MOK: variants seen among roughly 807,000 people sequenced by gnomAD.
The protein encoded by MOK is MAPK/MAK/MRK overlapping kinase.
In MOK, 59 loss-of-function variants were observed where a neutral mutation model predicts 54.2. The observed-to-expected ratio is 1.09, with a 90% confidence interval of 0.88 to 1.35. MOK has a LOEUF of 1.35. MOK is among the 40% of genes most tolerant of loss of function. The pLI, the probability that MOK is intolerant of heterozygous loss-of-function variation, is 0.00. For synonymous variants in MOK, 210 were observed against 202.7 expected (o/e 1.04, Z -0.31); for missense variants, 517 against 526.2 (o/e 0.98, Z 0.17).
chr14:102,222,491 G>A (rs1279814025), downstream of MOK, among the ~76,000 whole-genome samples: 10 of 152,128 alleles, frequency 6.6e-5, no homozygotes, highest in Admixed American at 5.9e-4. The surrounding 1 kb of genome is among the most constrained non-coding windows in gnomAD (Gnocchi z 4.4). Flanking sequence ...CACCTCCCAC[G>A]AGGCACCTGC....
At chr14:102,244,403 A>G (rs2065937063) in intron 7 of MOK, among the ~76,000 whole-genome samples, 1 of 152,158 alleles carries the variant, frequency 6.6e-6, no homozygotes, top group African/African-American at 2.4e-5. Context: ...TTCTGTCGTC[A>G]TTTCATAACC....
At chr14:102,223,663 T>C (rs2153074499), downstream of MOK, 1 of 152,696 alleles carries the variant, frequency 6.5e-6, no homozygotes, top group South Asian at 2.1e-4. Flanking sequence ...ATTAAAACTA[T>C]CTTGAATATA....
downstream of MOK, chr14:102,224,695 G>A (rs1354198462): frequency 1.1e-5 from 5 of 456,000 alleles, no homozygotes; most frequent in East Asian, 6.9e-5. Context: ...AGTTTTCTTC[G>A]GAGGAGACAT....
intron 1 of MOK, among the ~76,000 whole-genome samples, chr14:102,288,749 C>T (rs1364947506): frequency 1.3e-5 from 2 of 152,188 alleles, no homozygotes; most frequent in Admixed American, 6.5e-5. Context: ...TGTTGGAAAT[C>T]AGAAAGTGGT....
chr14:102,287,624 T>C (rs2070272681), intron 1 of MOK, among the ~76,000 whole-genome samples: 1 of 152,172 alleles, frequency 6.6e-6, no homozygotes, highest in Non-Finnish European at 1.5e-5. Context: ...TATGAAATGA[T>C]GCTCAACATC....
In MOK at chr14:102,236,227, G is replaced by A. The variant is rs1004975450; in HGVS notation, c.591-2438C>T. Among the ~76,000 whole-genome samples, 10 of 152,316 alleles carry A rather than the reference G, an allele frequency of 6.6e-5. No homozygotes were observed. Among genetic ancestry groups the A allele is most frequent in the African/African-American group, 1.4e-4 (6 of 41,574 alleles). On this transcript the variant is annotated intron_variant, in intron 7 of 11. Coordinates refer to ENST00000361847, the MANE Select transcript of MOK (RefSeq NM_014226.3). This position sits in a 1 kb window ranked among gnomAD's most constrained non-coding sequence, Gnocchi z 4.5. Reference sequence around the variant, plus strand: ...TCAGCCTAGCCGCTGAGGACTGACCGGGCCCAGGGCCCCCGGCCCCATCTG... The same window carrying A: ...TCAGCCTAGCCGCTGAGGACTGACCAGGCCCAGGGCCCCCGGCCCCATCTG...
Position 102,242,952 on chromosome 14 carries a change from C to T in MOK, c.590+7860G>A, listed in dbSNP as rs528972637. 2.6e-5 allele frequency among the ~76,000 whole-genome samples: 4 copies of T among 152,290 alleles called. No homozygotes were observed. In the East Asian group the frequency reaches 5.8e-4, roughly 22 times the overall value. On this transcript the variant is annotated intron_variant, in intron 7 of 11. Coordinates refer to ENST00000361847, the MANE Select transcript of MOK (RefSeq NM_014226.3). ...CACTTGGACTGACCCTGACACCCAT[C>T]AGGCTCAGCAAATTACCTGGGCTGT...
Position 102,232,940 on chromosome 14 carries a change from G to A in MOK, c.693-232C>T, listed in dbSNP as rs1007101683. 8 of 352,642 alleles carry A rather than the reference G, an allele frequency of 2.3e-5. No individual in the cohort carries two copies. The South Asian group carries it at 3.5e-4, about 16-fold the overall frequency. The allele number at this position is 352,642 out of a possible 1,614,324, so 21.8% of individuals were successfully genotyped here. A position where few individuals can be genotyped will look rare whatever the true frequency, so the allele number is the denominator to read the frequency against. Reference sequence around the variant, plus strand: ...ATCGACCATAATAAACACACCACTCGAGGCAGGTGCTGACGACAGGGGAGG... The same window carrying A: ...ATCGACCATAATAAACACACCACTCAAGGCAGGTGCTGACGACAGGGGAGG... On this transcript the variant is annotated intron_variant, in intron 8 of 11. Transcript: ENST00000361847. This position sits in a 1 kb window ranked among gnomAD's most constrained non-coding sequence, Gnocchi z 5.1.
At chr14:102,285,656 C>A (rs1397505093) in intron 1 of MOK, among the ~76,000 whole-genome samples, 1 of 152,102 alleles carries the variant, frequency 6.6e-6, no homozygotes, top group Non-Finnish European at 1.5e-5. Context: ...CTTTGGGAGA[C>A]CCAGGTCGGT....
intron 1 of MOK, among the ~76,000 whole-genome samples, chr14:102,286,892 A>T (rs1237129730): frequency 1.3e-5 from 2 of 150,392 alleles, no homozygotes; most frequent in African/African-American, 4.9e-5. Flanking sequence ...CCTGGGCAAC[A>T]AAGTGAGACT....
At chr14:102,218,397 G>A in the MOK span, among the ~76,000 whole-genome samples, 6 of 152,330 alleles carry the variant, frequency 3.9e-5, no homozygotes, top group South Asian at 6.2e-4. Context: ...CTAGGAGACC[G>A]TCCAGGCCTG....
chr14:102,262,952 C>G (rs887972066), intron 4 of MOK, among the ~76,000 whole-genome samples: 4 of 152,232 alleles, frequency 2.6e-5, no homozygotes, highest in African/African-American at 4.8e-5. Flanking sequence ...GAACAATTGG[C>G]TCAGTGTGGG....
intron 4 of MOK, among the ~76,000 whole-genome samples, chr14:102,261,874 C>T (rs1320671810): frequency 6.0e-5 from 9 of 150,318 alleles, no homozygotes; most frequent in African/African-American, 9.8e-5. Flanking sequence ...GACGGAGTCT[C>T]GCTCTGTCAC....
At chr14:102,270,873 C>T (rs190436644) in intron 2 of MOK, among the ~76,000 whole-genome samples, 1 of 152,146 alleles carries the variant, frequency 6.6e-6, no homozygotes, top group African/African-American at 2.4e-5. Context: ...AACTCACTTA[C>T]AATAGCTGAA....
At chr14:102,261,419 ATATATATATATATATAT>A (rs1232872710) in intron 4 of MOK, among the ~76,000 whole-genome samples, 1 of 11,380 alleles carries the variant, frequency 8.8e-5, no homozygotes, top group Admixed American at 1.7e-3. Flanking sequence ...AAAAAAAAAA[ATATATATATATATATAT>A]ATATATATAT....
At chr14:102,214,961 C>T in the MOK span, 2 of 985,038 alleles carry the variant, frequency 2.0e-6, no homozygotes, top group Non-Finnish European at 2.4e-6. Flanking sequence ...TGGGGCTGTC[C>T]TCTGTATACT....
downstream of MOK, chr14:102,226,359 G>C: frequency 1.4e-6 from 1 of 703,168 alleles, no homozygotes. This position sits in a 1 kb window ranked among gnomAD's most constrained non-coding sequence, Gnocchi z 4.8. Flanking sequence ...GAACGTGTTT[G>C]AATGGGGAGG....
At chr14:102,214,900 C>T in the MOK span, 3 of 984,082 alleles carry the variant, frequency 3.0e-6, no homozygotes, top group African/African-American at 1.8e-5. Flanking sequence ...GTTGCCTTGT[C>T]ACTGTCACAG....
At position 102,265,862 on chromosome 14, in the gene MOK, T is replaced by C; in HGVS notation, c.173A>G (p.Asn58Ser). 1 of 1,614,066 alleles carries C rather than the reference T, an allele frequency of 6.2e-7. No individual in the cohort carries two copies. Among genetic ancestry groups the C allele is most frequent in the Non-Finnish European group, 8.5e-7 (1 of 1,179,940 alleles). The change falls in exon 3 of 12, where the codon AAT becomes AGT. Residue 58 changes from asparagine (N) to serine (S), a missense_variant. By Grantham distance (46) the Asn-to-Ser change is conservative. Coordinates refer to ENST00000361847, the MANE Select transcript of MOK (RefSeq NM_014226.3). ...CAACATAAGAATGTTTGGGTGCGGA[T>C]TCAGGCGCCTCAGTGCTTGGATCTC... ...LREIQALRRL[N>S]PHPNILMLHE...
Sources: allele counts gnomAD v4.1 joint callset (sites outside exome capture counted in the v4.1 genomes callset), GRCh38; gene constraint gnomAD v4.1.1; non-coding constraint Gnocchi (gnomAD v3.1); transcripts MANE v1.5; gene names NCBI Gene and HGNC (gene_info 2026-07-23, HGNC 2026-07-21).